Variants in CD226 observed in about 807,000 individuals in gnomAD.
The protein encoded by CD226 is CD226 molecule.
Under a neutral mutation model 34.9 loss-of-function variants are expected in CD226, and 24 were observed. That is an observed-to-expected ratio of 0.69 (90% CI 0.50 to 0.97). The LOEUF (loss-of-function observed/expected upper bound fraction) is 0.97. Ranked by LOEUF, CD226 falls within the 50% of genes least tolerant of loss-of-function variation. CD226 has a pLI of 0.00. For synonymous variants in CD226, 148 were observed against 147.4 expected (o/e 1.00, Z -0.03); for missense variants, 397 against 412.7 (o/e 0.96, Z 0.33).
chr18:69,960,129 A>T (rs1031831339), upstream of CD226, among the ~76,000 whole-genome samples: 4 of 152,060 alleles, frequency 2.6e-5, no homozygotes, highest in Non-Finnish European at 5.9e-5. Context: ...AATCCCAGCT[A>T]CTTGGGAGGC....
At chr18:69,866,981 T>C (rs1983188301) in intron 5 of CD226, among the ~76,000 whole-genome samples, 3 of 152,200 alleles carry the variant, frequency 2.0e-5, no homozygotes, top group African/African-American at 7.2e-5. Context: ...CTTCTGACAC[T>C]GTTTCTTGTA....
chr18:69,856,083 T>G lies in CD226; in HGVS notation c.*8231A>C, dbSNP rs543266703. 7.2e-5 allele frequency: 11 copies of G among 152,180 alleles called. No individual in the cohort carries two copies. In the East Asian group the frequency reaches 1.2e-3, roughly 16 times the overall value. The allele number at this position is 152,180 out of a possible 1,614,324, so 9.4% of individuals were successfully genotyped here. The stretch of plus-strand genomic sequence containing the variant: ...AAGAAAGGCACATTAAATATAAATA[T>G]TTAGATAATTTAAAATTAAAAGGAT... On this transcript the variant is annotated 3_prime_UTR_variant, in exon 6 of 6. Transcript: ENST00000582621.
At chr18:69,890,247 AG>A (rs1204428963) in intron 3 of CD226, among the ~76,000 whole-genome samples, 1 of 152,244 alleles carries the variant, frequency 6.6e-6, no homozygotes, top group African/African-American at 2.4e-5. Context: ...AACTTTAAGC[AG>A]ATGCCATAAT....
intron 2 of CD226, among the ~76,000 whole-genome samples, chr18:69,900,585 A>T (rs2055164432): frequency 6.7e-6 from 1 of 150,124 alleles, no homozygotes; most frequent in Non-Finnish European, 1.5e-5. Flanking sequence ...ACAAAAAATT[A>T]GCCGGGCGCG....
chr18:69,937,974 A>G (rs1024248503), intron 2 of CD226, among the ~76,000 whole-genome samples: 1 of 152,208 alleles, frequency 6.6e-6, no homozygotes, highest in African/African-American at 2.4e-5. Flanking sequence ...GCTGCTGGGA[A>G]CCTGGACAGA....
intron 2 of CD226, among the ~76,000 whole-genome samples, chr18:69,925,678 A>G (rs1216826117): frequency 2.0e-5 from 3 of 151,988 alleles, no homozygotes; most frequent in African/African-American, 7.3e-5. Context: ...CTCCATCCCT[A>G]CTATATTACT....
At chr18:69,958,772 T>C (rs1048735294), upstream of CD226, among the ~76,000 whole-genome samples, 13 of 137,436 alleles carry the variant, frequency 9.5e-5, no homozygotes, top group South Asian at 2.9e-3. Flanking sequence ...ACTCCCTAAT[T>C]CAGTGTTCAC....
chr18:69,925,333 A>G (rs77172670), intron 2 of CD226, among the ~76,000 whole-genome samples: 3,989 of 152,358 alleles, frequency 0.026, 186 homozygotes, highest in African/African-American at 0.091. Context: ...TCAGAAATGC[A>G]GAATGATCTC....
At chr18:69,874,762 A>G (rs1983759142) in intron 3 of CD226, among the ~76,000 whole-genome samples, 1 of 141,284 alleles carries the variant, frequency 7.1e-6, no homozygotes, top group African/African-American at 2.5e-5. Context: ...ACTAAGACAA[A>G]TAAGCAAACA....
rs11452379 is a variant in CD226, at chr18:69,889,487, TAAAA to T, written c.727+6210_727+6213del. Among the ~76,000 whole-genome samples, 11 of 147,468 alleles carry T rather than the reference TAAAA, an allele frequency of 7.5e-5. 1 individual carries two copies. The highest frequency in any genetic ancestry group is 2.2e-4 in the African/African-American group (9 of 40,448). ...GAAGGTTCTGGATTAATGGAATCCTTAAAAAAAAAAAAAAACTGTCTTGTCTACA... is the reference window on the plus strand; with the variant it reads ...GAAGGTTCTGGATTAATGGAATCCTTAAAAAAAAAAACTGTCTTGTCTACA... On this transcript the variant is annotated intron_variant, in intron 3 of 5. Coordinates refer to ENST00000582621, the MANE Select transcript of CD226 (RefSeq NM_001303618.2).
At chr18:69,955,691 G>A (rs572082626) in intron 1 of CD226, among the ~76,000 whole-genome samples, 2 of 152,062 alleles carry the variant, frequency 1.3e-5, no homozygotes, top group South Asian at 4.2e-4. Context: ...GTGAAACCAC[G>A]TCTCTGCTAA....
chr18:69,941,956 T>C lies in CD226; in HGVS notation c.382+4778A>G, dbSNP rs150963871. 4.7e-4 allele frequency among the ~76,000 whole-genome samples: 71 copies of C among 152,328 alleles called. 1 individual carries two copies. In the East Asian group the frequency reaches 0.013, roughly 29 times the overall value. Reference sequence around the variant, plus strand: ...TGAATCATGGGGCCAGTCACCTTCATGCTGTTCTGGTGACAGTGAGTGAAT... The same window carrying C: ...TGAATCATGGGGCCAGTCACCTTCACGCTGTTCTGGTGACAGTGAGTGAAT... On this transcript the variant is annotated intron_variant, in intron 2 of 5. Transcript: ENST00000582621.
upstream of CD226, among the ~76,000 whole-genome samples, chr18:69,952,623 A>G (rs1396029492): frequency 6.6e-6 from 1 of 152,206 alleles, no homozygotes; most frequent in Admixed American, 6.5e-5. Context: ...TGACCTAAAT[A>G]TAAGACCTCA....
intron 2 of CD226, among the ~76,000 whole-genome samples, chr18:69,912,621 T>C (rs1467262538): frequency 6.6e-6 from 1 of 152,254 alleles, no homozygotes; most frequent in Non-Finnish European, 1.5e-5. Context: ...TTTGGCTATA[T>C]TTCATGATCT....
intron 2 of CD226, among the ~76,000 whole-genome samples, chr18:69,916,239 G>C (rs1369558535): frequency 6.6e-6 from 1 of 152,070 alleles, no homozygotes; most frequent in Non-Finnish European, 1.5e-5. Flanking sequence ...GTATATTTCA[G>C]GAAAAGATTA....
At chr18:69,935,676 C>T (rs1011687896) in intron 2 of CD226, among the ~76,000 whole-genome samples, 2 of 152,156 alleles carry the variant, frequency 1.3e-5, no homozygotes, top group African/African-American at 4.8e-5. Context: ...TTGTCTTGAT[C>T]ACTGAGAGTT....
Sources: allele counts gnomAD v4.1 joint callset (sites outside exome capture counted in the v4.1 genomes callset), GRCh38; gene constraint gnomAD v4.1.1; transcripts MANE v1.5; gene names NCBI Gene and HGNC (gene_info 2026-07-23, HGNC 2026-07-21).